The following CSGALNACT1 variants were observed in gnomAD, a reference collection of about 807,000 sequenced individuals.
The protein encoded by CSGALNACT1 is chondroitin sulfate N-acetylgalactosaminyltransferase 1, also known as beta4GalNAcT-1.
CSGALNACT1 carries 52 observed loss-of-function variants against 51.0 expected under a neutral mutation model. That is an observed-to-expected ratio of 1.02 (90% CI 0.82 to 1.29). The LOEUF is 1.29. Ranked by LOEUF, CSGALNACT1 falls within the 50% of genes most tolerant of loss-of-function variation. The pLI is 0.00. For synonymous variants in CSGALNACT1, 341 were observed against 254.4 expected, an observed-to-expected ratio of 1.34 and a Z score of -3.24; for missense variants, 935 against 679.2, an observed-to-expected ratio of 1.38 and a Z score of -4.19.
intron 1 of CSGALNACT1, among the ~76,000 whole-genome samples, chr8:19,677,456 G>C (rs181982187): frequency 6.6e-6 from 1 of 152,212 alleles, no homozygotes; most frequent in African/African-American, 2.4e-5. Context: ...ATGCTGATGA[G>C]ATGACACAGT....
chr8:19,644,385 A>G (rs2057045682), intron 1 of CSGALNACT1, among the ~76,000 whole-genome samples: 1 of 151,248 alleles, frequency 6.6e-6, no homozygotes, highest in South Asian at 2.1e-4. Flanking sequence ...ATACACCTGA[A>G]AAACAGTTCT....
chr8:19,621,371 C>A (rs1473243465), intron 1 of CSGALNACT1, among the ~76,000 whole-genome samples: 1 of 152,078 alleles, frequency 6.6e-6, no homozygotes, highest in Non-Finnish European at 1.5e-5. Flanking sequence ...TTCATATAAC[C>A]AATTGATTTG....
upstream of CSGALNACT1, among the ~76,000 whole-genome samples, chr8:19,683,825 A>G (rs1036943324): frequency 2.0e-5 from 3 of 152,110 alleles, no homozygotes. Context: ...TTTTAAGGAA[A>G]AGCTATTGAG....
chr8:19,496,474 A>G (rs1470204442), intron 4 of CSGALNACT1, among the ~76,000 whole-genome samples: 2 of 152,234 alleles, frequency 1.3e-5, no homozygotes, highest in Admixed American at 6.5e-5. Context: ...TTTGTAGAGC[A>G]GTGTAAGTAG....
At chr8:19,743,488 T>C (rs1223556032) in intron 1 of CSGALNACT1, among the ~76,000 whole-genome samples, 2 of 152,218 alleles carry the variant, frequency 1.3e-5, no homozygotes, top group African/African-American at 2.4e-5. Flanking sequence ...ATCTTACTTT[T>C]GGCCCTATAC....
At chr8:19,437,014 T>C (rs1045852525) in intron 6 of CSGALNACT1, among the ~76,000 whole-genome samples, 5 of 152,204 alleles carry the variant, frequency 3.3e-5, no homozygotes, top group African/African-American at 1.2e-4. Flanking sequence ...TATGGTGTTG[T>C]GCTAAGTGCT....
At chr8:19,585,970 C>T (rs1395238243) in intron 3 of CSGALNACT1, among the ~76,000 whole-genome samples, 7 of 152,182 alleles carry the variant, frequency 4.6e-5, no homozygotes, top group African/African-American at 1.7e-4. Context: ...GCAGGCAGAG[C>T]CCCCAGGAGG....
At chr8:19,616,909 G>C (rs1207367176) in intron 1 of CSGALNACT1, among the ~76,000 whole-genome samples, 1 of 152,196 alleles carries the variant, frequency 6.6e-6, no homozygotes, top group Non-Finnish European at 1.5e-5. Flanking sequence ...GGGTGGGGCA[G>C]GGTTGGGGGA....
chr8:19,445,517 C>T (rs893337947), intron 5 of CSGALNACT1, among the ~76,000 whole-genome samples: 1 of 152,212 alleles, frequency 6.6e-6, no homozygotes, highest in Non-Finnish European at 1.5e-5. Flanking sequence ...GTTGTGAGGT[C>T]TACCTCCAAG....
chr8:19,446,095 A>C (rs1453819863), intron 5 of CSGALNACT1, among the ~76,000 whole-genome samples: 1 of 152,182 alleles, frequency 6.6e-6, no homozygotes, highest in Non-Finnish European at 1.5e-5. Context: ...GAATGACTTG[A>C]ACCTGGGAGC....
At position 19,620,969 on chromosome 8, in the gene CSGALNACT1, A is replaced by G. The variant is rs2053749968; in HGVS notation, c.-543-19104T>C. Reference sequence around the variant, plus strand: ...GAACAGTGGGAATCATCTATTTTGCATTCTGAAAAAATAGAAACTTAACAC... The same window carrying G: ...GAACAGTGGGAATCATCTATTTTGCGTTCTGAAAAAATAGAAACTTAACAC... On this transcript the variant is annotated intron_variant, in intron 1 of 9. Transcript: ENST00000332246. Among the ~76,000 whole-genome samples the G allele has an allele frequency of 2.0e-5, 3 of 152,178 alleles. No individual in the cohort carries two copies. In the South Asian group the frequency reaches 6.2e-4, roughly 31 times the overall value.
At chr8:19,638,419 T>TCGC (rs1417842493) in intron 1 of CSGALNACT1, among the ~76,000 whole-genome samples, 5 of 152,174 alleles carry the variant, frequency 3.3e-5, no homozygotes, top group Non-Finnish European at 7.3e-5. Context: ...ACCTTGGACC[T>TCGC]CGCCTTCTTT....
At chr8:19,523,562 G>A (rs770778576) in intron 3 of CSGALNACT1, among the ~76,000 whole-genome samples, 1 of 152,090 alleles carries the variant, frequency 6.6e-6, no homozygotes, top group Non-Finnish European at 1.5e-5. Context: ...GAGCCACCAC[G>A]CCCAGGCTAC....
chr8:19,461,014 G>A (rs1184639639), intron 4 of CSGALNACT1, among the ~76,000 whole-genome samples: 2 of 152,166 alleles, frequency 1.3e-5, no homozygotes, highest in South Asian at 4.1e-4. Context: ...AGTGAACACA[G>A]CTATTTAAAG....
In CSGALNACT1 at chr8:19,745,453, G is replaced by A. The variant is rs560349633; in HGVS notation, c.-297+12397C>T. On this transcript the variant is annotated intron_variant, in intron 1 of 1. Transcript: ENST00000517494. ...AGGCATACAATCCAATTTTTCACTT[G>A]TGCCCCTAAAGAAACTCCTCAGAAC... 6.6e-5 allele frequency among the ~76,000 whole-genome samples: 10 copies of A among 152,190 alleles called. 1 individual carries two copies. In the South Asian group the frequency reaches 2.1e-3, roughly 32 times the overall value.
At chr8:19,503,289 G>A (rs192890143) in intron 4 of CSGALNACT1, among the ~76,000 whole-genome samples, 169 of 152,306 alleles carry the variant, frequency 1.1e-3, no homozygotes, top group African/African-American at 3.9e-3. Flanking sequence ...AATCAATACT[G>A]AGTAGCTATA....
intron 1 of CSGALNACT1, among the ~76,000 whole-genome samples, chr8:19,650,867 G>A (rs2057740966): frequency 6.6e-6 from 1 of 152,140 alleles, no homozygotes; most frequent in Admixed American, 6.5e-5. Flanking sequence ...TGCACTTCCA[G>A]GACTCAGGTG....
intron 8 of CSGALNACT1, among the ~76,000 whole-genome samples, chr8:19,414,648 C>T (rs1215100098): frequency 6.6e-6 from 1 of 152,088 alleles, no homozygotes; most frequent in Non-Finnish European, 1.5e-5. Flanking sequence ...CTTTTGTCTG[C>T]AGGCAAAACA....
chr8:19,540,797 C>T (rs1430777422), intron 3 of CSGALNACT1, among the ~76,000 whole-genome samples: 1 of 152,164 alleles, frequency 6.6e-6, no homozygotes, highest in Non-Finnish European at 1.5e-5. Context: ...CTCCCTCCAC[C>T]GGATCATCTT....
Sources: gnomAD v4.1 joint callset for allele counts (sites outside exome capture counted in the v4.1 genomes callset) on GRCh38, gnomAD v4.1.1 for gene constraint, MANE v1.5 for transcripts, NCBI Gene and HGNC (gene_info 2026-07-23, HGNC 2026-07-21) for gene names.